Variants in ZNF236 observed in about 807,000 individuals in gnomAD.
ZNF236 encodes the protein regulated by glucose.
ZNF236 carries 50 observed loss-of-function variants against 191.2 expected under a neutral mutation model. That is an observed-to-expected ratio of 0.26 (90% CI 0.21 to 0.33). ZNF236 has a LOEUF of 0.33. Ranked by LOEUF, ZNF236 falls within the 10% of genes least tolerant of loss-of-function variation. The pLI, the probability that ZNF236 is intolerant of heterozygous loss-of-function variation, is 1.00. For missense variants in ZNF236, 1,754 were observed against 2,374.5 expected, an observed-to-expected ratio of 0.74 and a Z score of 5.43; for synonymous variants, 907 against 928.8, an observed-to-expected ratio of 0.98 and a Z score of 0.43.
At chr18:76,865,093 T>G (rs1599344748) in intron 3 of ZNF236, among the ~76,000 whole-genome samples, 1 of 152,158 alleles carries the variant, frequency 6.6e-6, no homozygotes. Context: ...TCCCAGCACT[T>G]TGGGAGGCCG....
intron 26 of ZNF236, among the ~76,000 whole-genome samples, chr18:76,938,697 C>T (rs956209468): frequency 2.6e-5 from 4 of 152,198 alleles, no homozygotes; most frequent in Admixed American, 1.3e-4. Flanking sequence ...CCCTGCACAG[C>T]CACTACCCTC....
At chr18:76,906,711 C>T (rs1977752891) in intron 13 of ZNF236, among the ~76,000 whole-genome samples, 1 of 152,138 alleles carries the variant, frequency 6.6e-6, no homozygotes, top group South Asian at 2.1e-4. Flanking sequence ...ATTGTGCGAC[C>T]ATTGTTTGTC....
chr18:76,890,751 C>T (rs988917000), intron 9 of ZNF236, among the ~76,000 whole-genome samples: 4 of 152,004 alleles, frequency 2.6e-5, no homozygotes, highest in Non-Finnish European at 5.9e-5. Flanking sequence ...CTTCTTTTGT[C>T]CATATGGTAT....
intron 26 of ZNF236, among the ~76,000 whole-genome samples, chr18:76,939,754 C>T (rs1035111794): frequency 1.3e-5 from 2 of 151,708 alleles, no homozygotes; most frequent in African/African-American, 4.9e-5. Flanking sequence ...TTTGGGAACT[C>T]GGTGGGCGAC....
rs1181205935 is a variant in ZNF236, at chr18:76,905,511, A to G, written c.2297+96A>G. On this transcript the variant is annotated intron_variant, in intron 13 of 30. Coordinates refer to ENST00000320610, the MANE Select transcript of ZNF236 (RefSeq NM_001306089.2). ...GGAAATAATTGTCTTTGATTCTTACATTATTATTTCTAGCTCATACTATAT... is the reference window on the plus strand; with the variant it reads ...GGAAATAATTGTCTTTGATTCTTACGTTATTATTTCTAGCTCATACTATAT... 14 of 1,280,476 alleles carry G rather than the reference A, an allele frequency of 1.1e-5. No individual in the cohort carries two copies. The Admixed American group carries it at 2.0e-4, about 18-fold the overall frequency. 79.3% of individuals were successfully genotyped at this position (1,280,476 alleles called of 1,614,324 possible). A position where few individuals can be genotyped will look rare whatever the true frequency, so the allele number is the denominator to read the frequency against.
At chr18:76,914,862 A>G (rs1441651725) in intron 18 of ZNF236, among the ~76,000 whole-genome samples, 1 of 151,782 alleles carries the variant, frequency 6.6e-6, no homozygotes, top group Non-Finnish European at 1.5e-5. Context: ...TAAGTTTAAT[A>G]TCAATGTATA....
chr18:76,905,437 A>T (rs1448130496), intron 13 of ZNF236, 22 bp downstream of exon 13: 3 of 1,606,220 alleles, frequency 1.9e-6, no homozygotes, highest in Non-Finnish European at 2.6e-6. Context: ...TCTGGTGGTC[A>T]CTTTTTATCA....
intron 1 of ZNF236, among the ~76,000 whole-genome samples, chr18:76,832,981 T>G (rs1975216715): frequency 6.6e-6 from 1 of 152,242 alleles, no homozygotes; most frequent in African/African-American, 2.4e-5. Flanking sequence ...CCTGAAACTA[T>G]TGTTGATGGT....
chr18:76,851,690 G>A (rs1975877225), intron 2 of ZNF236, 85 bp from the exon 3 acceptor site: 1 of 1,423,748 alleles, frequency 7.0e-7, no homozygotes, highest in Non-Finnish European at 9.4e-7. Context: ...GTACATTATG[G>A]TACTTGTTAA....
Position 76,919,178 on chromosome 18 carries a change from G to C in ZNF236, c.3275-598G>C, listed in dbSNP as rs1330381615. Reference sequence around the variant, plus strand: ...TTGTGTGGACACTGTCAGCCTCAAAGCTTACTCCTGAATTTTCAGGGAGGT... The same window carrying C: ...TTGTGTGGACACTGTCAGCCTCAAACCTTACTCCTGAATTTTCAGGGAGGT... On this transcript the variant is annotated intron_variant, in intron 19 of 30. Coordinates refer to ENST00000320610, the MANE Select transcript of ZNF236 (RefSeq NM_001306089.2). The surrounding 1 kb of genome is among the most constrained non-coding windows in gnomAD (Gnocchi z 5.3). Among the ~76,000 whole-genome samples the C allele has an allele frequency of 1.3e-5, 2 of 152,114 alleles. No homozygotes were observed. The highest frequency in any genetic ancestry group is 6.5e-5 in the Admixed American group (1 of 15,274).
chr18:76,839,924 C>T (rs1975430679), intron 1 of ZNF236, among the ~76,000 whole-genome samples: 1 of 152,172 alleles, frequency 6.6e-6, no homozygotes. Context: ...AATGGAAGCA[C>T]TCTACTTTGC....
At chr18:76,937,090 C>A in intron 25 of ZNF236, 66 bp from the exon 26 acceptor site, 1 of 1,491,516 alleles carries the variant, frequency 6.7e-7, no homozygotes, top group Non-Finnish European at 9.2e-7. Context: ...CATCGCTCTC[C>A]CTATGCCCTT....
Position 76,846,534 on chromosome 18 carries a change from G to A in ZNF236, c.56-2992G>A, listed in dbSNP as rs190957272. Among the ~76,000 whole-genome samples the A allele has an allele frequency of 6.5e-4, 99 of 152,244 alleles. 1 individual carries two copies. The highest frequency in any genetic ancestry group is 2.2e-3 in the African/African-American group (90 of 41,544). The stretch of plus-strand genomic sequence containing the variant: ...CCTAGGTAGAGCAAGAGTCTAGACC[G>A]CCATTGGGTTTCAAAATTATGCTCA... On this transcript the variant is annotated intron_variant, in intron 1 of 30. Coordinates refer to ENST00000320610, the MANE Select transcript of ZNF236 (RefSeq NM_001306089.2).
chr18:76,869,210 C>A (rs2122596251), intron 4 of ZNF236, among the ~76,000 whole-genome samples: 1 of 152,340 alleles, frequency 6.6e-6, no homozygotes, highest in South Asian at 2.1e-4. Context: ...TGGTACCCAA[C>A]CGTTAAAACT....
chr18:76,827,440 C>T (rs1975050622), intron 1 of ZNF236, among the ~76,000 whole-genome samples: 1 of 152,208 alleles, frequency 6.6e-6, no homozygotes, highest in Non-Finnish European at 1.5e-5. Context: ...CCCACGTGGC[C>T]TCCCAAAGTG....
intron 30 of ZNF236, among the ~76,000 whole-genome samples, chr18:76,966,358 G>C (rs75511395): frequency 0.045 from 6,655 of 148,260 alleles, 189 homozygotes; most frequent in Non-Finnish European, 0.062. Context: ...CACACACACA[G>C]AGACACACAC....
At chr18:76,932,202 G>T (rs765611971) in intron 25 of ZNF236, among the ~76,000 whole-genome samples, 1 of 152,176 alleles carries the variant, frequency 6.6e-6, no homozygotes, top group Non-Finnish European at 1.5e-5. Flanking sequence ...GTCACAGGGG[G>T]TGGCTCTGTG....
chr18:76,922,203 C>A (rs1048245258), intron 20 of ZNF236, among the ~76,000 whole-genome samples: 4 of 152,160 alleles, frequency 2.6e-5, no homozygotes, highest in Admixed American at 2.6e-4. Flanking sequence ...TGAGTTTCCA[C>A]GCTTGGTGAC....
chr18:76,823,156 G>C (rs1244998674), intron 1 of ZNF236, among the ~76,000 whole-genome samples: 1 of 151,868 alleles, frequency 6.6e-6, no homozygotes, highest in African/African-American at 2.4e-5. Flanking sequence ...CGGCTGCCCC[G>C]GGGACGTTGG....
Sources: allele counts gnomAD v4.1 joint callset (sites outside exome capture counted in the v4.1 genomes callset), GRCh38; gene constraint gnomAD v4.1.1; non-coding constraint Gnocchi (gnomAD v3.1); transcripts MANE v1.5; gene names NCBI Gene and HGNC (gene_info 2026-07-23, HGNC 2026-07-21).